The following CNTNAP2 variants were observed in gnomAD, a reference collection of about 807,000 sequenced individuals.
CNTNAP2 encodes contactin associated protein 2.
In CNTNAP2, 98 loss-of-function variants were observed where a neutral mutation model predicts 155.2. The observed-to-expected ratio is 0.63, with a 90% CI of 0.54 to 0.75. CNTNAP2 has a LOEUF of 0.75. Among genes scored for constraint, CNTNAP2 ranks in the 30% least tolerant of loss-of-function variants. The probability of loss-of-function intolerance (pLI) is 0.00; values close to 1 mark genes in which losing one functional copy is unlikely to be tolerated. For synonymous variants in CNTNAP2, 651 were observed against 631.2 expected (o/e 1.03, Z -0.47); for missense variants, 1,727 against 1,688.1 (o/e 1.02, Z -0.40).
intron 1 of CNTNAP2, among the ~76,000 whole-genome samples, chr7:146,751,297 T>C (rs1393877448): frequency 6.6e-6 from 1 of 152,198 alleles, no homozygotes; most frequent in Non-Finnish European, 1.5e-5. Flanking sequence ...TTTACCTTTT[T>C]GCCAACCTAA....
chr7:147,860,313 G>A (rs1799113030), intron 13 of CNTNAP2, among the ~76,000 whole-genome samples: 1 of 152,074 alleles, frequency 6.6e-6, no homozygotes, highest in Non-Finnish European at 1.5e-5. Context: ...TAATCCCAGT[G>A]TTCAGGAGGC....
At chr7:147,837,989 A>T (rs1798660938) in intron 13 of CNTNAP2, among the ~76,000 whole-genome samples, 1 of 152,176 alleles carries the variant, frequency 6.6e-6, no homozygotes, top group African/African-American at 2.4e-5. Flanking sequence ...TTCTGCCTGG[A>T]CATCCAGGCA....
At chr7:146,905,743 C>T (rs1796107286) in intron 3 of CNTNAP2, among the ~76,000 whole-genome samples, 1 of 152,122 alleles carries the variant, frequency 6.6e-6, no homozygotes, top group Admixed American at 6.5e-5. Flanking sequence ...CAGAATGAAA[C>T]CTATAACAAT....
chr7:147,073,620 T>C (rs1799940302), intron 4 of CNTNAP2, among the ~76,000 whole-genome samples: 2 of 152,072 alleles, frequency 1.3e-5, no homozygotes, highest in South Asian at 2.1e-4. Flanking sequence ...GGCTGAATAA[T>C]GGAACATAAG....
intron 9 of CNTNAP2, among the ~76,000 whole-genome samples, chr7:147,332,968 A>G (rs1346472725): frequency 6.6e-6 from 1 of 151,948 alleles, no homozygotes; most frequent in Admixed American, 6.6e-5. Flanking sequence ...AAAACATGCA[A>G]TTTTCATGAA....
chr7:147,124,876 C>CTTTT (rs371912854), intron 6 of CNTNAP2, among the ~76,000 whole-genome samples: 12 of 80,074 alleles, frequency 1.5e-4, no homozygotes, highest in Non-Finnish European at 2.1e-4. Context: ...CCTTTTTTTC[C>CTTTT]TTTTTTTTTT....
Position 147,375,096 on chromosome 7 carries a change from G to A in CNTNAP2, c.1499-20513G>A, listed in dbSNP as rs376870115. Among the ~76,000 whole-genome samples, 12 of 151,960 alleles carry A rather than the reference G, an allele frequency of 7.9e-5. 1 individual carries two copies. The highest frequency in any genetic ancestry group is 2.4e-4 in the African/African-American group (10 of 41,468). ...TCTCTCACCTGCCACCATGTAAGAC[G>A]TGTCTGCTTCCCCTTCCACCATGAT... On this transcript the variant is annotated intron_variant, in intron 9 of 23. Coordinates refer to ENST00000361727, the MANE Select transcript of CNTNAP2 (RefSeq NM_014141.6).
At position 147,727,047 on chromosome 7, in the gene CNTNAP2, C is replaced by T. The variant is rs1258108489; in HGVS notation, c.2098+87741C>T. ...TGTGTATATATATATATATGTCCAA[C>T]CTCAACAAAATTGTATACATTAATT... On this transcript the variant is annotated intron_variant, in intron 13 of 23. Transcript: ENST00000361727. 4.6e-5 allele frequency among the ~76,000 whole-genome samples: 7 copies of T among 151,498 alleles called. No homozygotes were observed. In the East Asian group the frequency reaches 5.8e-4, roughly 13 times the overall value.
chr7:147,046,826 G>C (rs1015531566), intron 4 of CNTNAP2, among the ~76,000 whole-genome samples: 2 of 151,846 alleles, frequency 1.3e-5, no homozygotes, highest in Non-Finnish European at 2.9e-5. Context: ...TCAGGAGATC[G>C]AGACCATCCT....
intron 10 of CNTNAP2, among the ~76,000 whole-genome samples, chr7:147,441,849 C>T (rs1430419902): frequency 2.9e-5 from 4 of 136,414 alleles, no homozygotes; most frequent in African/African-American, 1.1e-4. Context: ...CTCTCTCTCT[C>T]TCCCTCCCTC....
intron 1 of CNTNAP2, among the ~76,000 whole-genome samples, chr7:146,217,721 G>T (rs802540): frequency 1.3e-5 from 2 of 151,968 alleles, no homozygotes; most frequent in Non-Finnish European, 1.5e-5. Flanking sequence ...GCCTCTGGGT[G>T]GGGGGATTGA....
At chr7:147,121,529 A>C (rs1232348929) in intron 6 of CNTNAP2, 1 of 190,924 alleles carries the variant, frequency 5.2e-6, no homozygotes, top group East Asian at 1.5e-4. Context: ...GGGTTGTCTA[A>C]TATTTATTAT....
intron 13 of CNTNAP2, among the ~76,000 whole-genome samples, chr7:147,640,533 A>G (rs1218199270): frequency 6.6e-6 from 1 of 152,144 alleles, no homozygotes; most frequent in Non-Finnish European, 1.5e-5. Context: ...TCAGAGACCA[A>G]TGGGCTGTTG....
intron 3 of CNTNAP2, among the ~76,000 whole-genome samples, chr7:146,995,558 G>T (rs1181862885): frequency 6.6e-6 from 1 of 151,814 alleles, no homozygotes; most frequent in African/African-American, 2.4e-5. Context: ...TCTCATTTTG[G>T]TTTTGATTTG....
At chr7:147,087,788 C>A (rs927483106) in intron 4 of CNTNAP2, among the ~76,000 whole-genome samples, 1 of 152,140 alleles carries the variant, frequency 6.6e-6, no homozygotes, top group South Asian at 2.1e-4. Context: ...CCAGCCTGGA[C>A]AACATGGTGA....
At chr7:148,278,190 T>C (rs527460284) in intron 21 of CNTNAP2, among the ~76,000 whole-genome samples, 2 of 151,964 alleles carry the variant, frequency 1.3e-5, no homozygotes, top group Admixed American at 1.3e-4. Flanking sequence ...CAGGGAAGGG[T>C]AAAGAATTAG....
Position 147,335,779 on chromosome 7 carries a change from C to T in CNTNAP2, c.1498+35489C>T, listed in dbSNP as rs889410734. Among the ~76,000 whole-genome samples the T allele has an allele frequency of 1.4e-4, 21 of 152,116 alleles. 1 individual carries two copies. Among genetic ancestry groups the T allele is most frequent in the Admixed American group, 3.9e-4 (6 of 15,264 alleles). Reference sequence around the variant, plus strand: ...ATTTTAGATTTCACAGCATGGATTACTGTACTCTTTTATTTTTAAATTTAG... The same window carrying T: ...ATTTTAGATTTCACAGCATGGATTATTGTACTCTTTTATTTTTAAATTTAG... On this transcript the variant is annotated intron_variant, in intron 9 of 23. Coordinates refer to ENST00000361727, the MANE Select transcript of CNTNAP2 (RefSeq NM_014141.6).
At chr7:147,702,958 T>A (rs536321501) in intron 13 of CNTNAP2, among the ~76,000 whole-genome samples, 1 of 152,330 alleles carries the variant, frequency 6.6e-6, no homozygotes, top group South Asian at 2.1e-4. Flanking sequence ...GCAGTTCCTA[T>A]CATTTTTCTG....
At chr7:148,413,839 C>CA (rs199512893) in intron 23 of CNTNAP2, among the ~76,000 whole-genome samples, 1 of 151,840 alleles carries the variant, frequency 6.6e-6, no homozygotes, top group Non-Finnish European at 1.5e-5. Flanking sequence ...TTTCTACTAA[C>CA]AACCTTGTCC....
Sources: gnomAD v4.1 joint callset for allele counts (sites outside exome capture counted in the v4.1 genomes callset) on GRCh38, gnomAD v4.1.1 for gene constraint, MANE v1.5 for transcripts, NCBI Gene and HGNC (gene_info 2026-07-23, HGNC 2026-07-21) for gene names.